The following CEP128 variants were observed in gnomAD, a reference collection of about 807,000 sequenced individuals.
The protein encoded by CEP128 is centrosomal protein 128kDa.
Under a neutral mutation model 156.7 loss-of-function variants are expected in CEP128, and 132 were observed. The observed-to-expected ratio is 0.84, with a 90% CI of 0.73 to 0.97. The LOEUF is 0.97. Ranked by LOEUF, CEP128 falls within the 50% of genes least tolerant of loss-of-function variation. CEP128 has a pLI of 0.00. For synonymous variants in CEP128, 469 were observed against 448.9 expected (o/e 1.04, Z -0.57); for missense variants, 1,252 against 1,281.9 (o/e 0.98, Z 0.36).
At chr14:80,571,354 T>G (rs1891133695) in intron 20 of CEP128, among the ~76,000 whole-genome samples, 1 of 152,234 alleles carries the variant, frequency 6.6e-6, no homozygotes, top group African/African-American at 2.4e-5. Flanking sequence ...TGGAATCTCT[T>G]GTAGGTACTA....
At chr14:80,751,928 G>C (rs1899419210) in intron 18 of CEP128, among the ~76,000 whole-genome samples, 1 of 152,052 alleles carries the variant, frequency 6.6e-6, no homozygotes, top group Non-Finnish European at 1.5e-5. Context: ...ACCGCACCCA[G>C]GTAATGGCAT....
intron 1 of CEP128, among the ~76,000 whole-genome samples, chr14:80,958,577 G>T (rs1471089887): frequency 6.6e-6 from 1 of 152,078 alleles, no homozygotes. Flanking sequence ...GAAAGAAGAA[G>T]GAAGGAAGAA....
chr14:80,742,816 G>T (rs937615390), intron 19 of CEP128: 2 of 415,306 alleles, frequency 4.8e-6, no homozygotes, highest in East Asian at 9.5e-5. Flanking sequence ...TACTAAGACA[G>T]AAGCAGTATG....
chr14:80,848,539 T>TA (rs1441508897), intron 9 of CEP128, among the ~76,000 whole-genome samples: 1 of 152,042 alleles, frequency 6.6e-6, no homozygotes, highest in Non-Finnish European at 1.5e-5. Flanking sequence ...CGCATGCTTG[T>TA]AATTCCAACT....
chr14:80,647,037 GTATATATATATATATATATATA>G (rs60895994), intron 19 of CEP128, among the ~76,000 whole-genome samples: 5,783 of 69,530 alleles, frequency 0.083, 676 homozygotes, highest in African/African-American at 0.22. Context: ...ATGTGTGCAT[GTATATATATATATATATATATA>G]TATATATATA....
chr14:80,555,567 C>T (rs894424745), intron 21 of CEP128, among the ~76,000 whole-genome samples: 1 of 152,060 alleles, frequency 6.6e-6, no homozygotes, highest in Non-Finnish European at 1.5e-5. Flanking sequence ...TAAATAAACA[C>T]ATTTGTCACA....
chr14:80,943,718 G>T (rs1267940633), upstream of CEP128, among the ~76,000 whole-genome samples: 1 of 152,182 alleles, frequency 6.6e-6, no homozygotes, highest in Admixed American at 6.5e-5. Flanking sequence ...GTCAGGCCAG[G>T]GGTGCTGACT....
chr14:80,865,678 A>T (rs1887734426), intron 8 of CEP128, among the ~76,000 whole-genome samples: 1 of 152,054 alleles, frequency 6.6e-6, no homozygotes, highest in Non-Finnish European at 1.5e-5. Flanking sequence ...CAAAAAACTG[A>T]CTTCCAATTT....
intron 19 of CEP128, among the ~76,000 whole-genome samples, chr14:80,654,023 G>T (rs1005561366): frequency 2.0e-5 from 3 of 152,022 alleles, no homozygotes; most frequent in African/African-American, 7.2e-5. Context: ...TCTTATAGAA[G>T]GTCATGGTCA....
chr14:80,886,023 G>T lies in CEP128; in HGVS notation c.645+9695C>A, dbSNP rs1360736854. Among the ~76,000 whole-genome samples, 3 of 151,974 alleles carry T rather than the reference G, an allele frequency of 2.0e-5. No homozygotes were observed. In the East Asian group the frequency reaches 5.8e-4, roughly 29 times the overall value. On this transcript the variant is annotated intron_variant, in intron 8 of 24. Coordinates refer to ENST00000555265, the MANE Select transcript of CEP128 (RefSeq NM_152446.5). ...GCCAAATCAATCAAGCGGAAGAAAG[G>T]ATATCAGAGATTGAAGATCAACTAA...
chr14:80,577,806 T>A (rs958835897), intron 20 of CEP128, among the ~76,000 whole-genome samples: 1 of 152,200 alleles, frequency 6.6e-6, no homozygotes, highest in Non-Finnish European at 1.5e-5. Context: ...GTCCTTTAGA[T>A]CTCTGTTTAC....
chr14:80,823,711 C>T (rs1885319139), intron 13 of CEP128, among the ~76,000 whole-genome samples: 1 of 152,232 alleles, frequency 6.6e-6, no homozygotes, highest in African/African-American at 2.4e-5. Context: ...AGCTTCCACC[C>T]CTGTGGCTTT....
chr14:80,511,272 T>C (rs1888241488), intron 23 of CEP128, among the ~76,000 whole-genome samples: 1 of 151,942 alleles, frequency 6.6e-6, no homozygotes, highest in Non-Finnish European at 1.5e-5. Context: ...TATCATGGCT[T>C]CGATCTCATT....
At chr14:80,616,886 G>A (rs1366219478) in intron 19 of CEP128, among the ~76,000 whole-genome samples, 2 of 152,164 alleles carry the variant, frequency 1.3e-5, no homozygotes, top group Non-Finnish European at 2.9e-5. Flanking sequence ...GAAATGCAGG[G>A]AACAGAAATG....
At chr14:80,947,189 A>C (rs7144235) in intron 2 of CEP128, among the ~76,000 whole-genome samples, 11,613 of 152,156 alleles carry the variant, frequency 0.076, 1,417 homozygotes, top group African/African-American at 0.26. Flanking sequence ...ATACAACAGC[A>C]CACTAACTAT....
At chr14:80,667,565 G>T (rs113703611) in intron 19 of CEP128, among the ~76,000 whole-genome samples, 19,835 of 152,144 alleles carry the variant, frequency 0.13, 1,580 homozygotes, top group Non-Finnish European at 0.2. Flanking sequence ...ACTCAGAAAT[G>T]AATTTCCTCG....
chr14:80,902,534 A>G (rs1244242395), intron 6 of CEP128, among the ~76,000 whole-genome samples: 14 of 152,208 alleles, frequency 9.2e-5, no homozygotes, highest in Admixed American at 9.2e-4. Flanking sequence ...AACTACCAAA[A>G]CAAAGAGGTC....
chr14:80,887,835 C>T (rs1888884009), intron 8 of CEP128, among the ~76,000 whole-genome samples: 1 of 152,052 alleles, frequency 6.6e-6, no homozygotes, highest in South Asian at 2.1e-4. Context: ...TCAAGGAATT[C>T]AGGAGCTGGT....
exon 7 of CEP128, chr14:80,490,644 T>C (rs1286605518): frequency 1.6e-4 from 24 of 152,144 alleles, no homozygotes. Context: ...TAACCTTTAG[T>C]AGTTAATCAA....
Sources: allele counts gnomAD v4.1 joint callset (sites outside exome capture counted in the v4.1 genomes callset), GRCh38; gene constraint gnomAD v4.1.1; transcripts MANE v1.5; gene names NCBI Gene and HGNC (gene_info 2026-07-23, HGNC 2026-07-21).